The following SLC24A3 variants were observed in gnomAD, a reference collection of about 807,000 sequenced individuals.
SLC24A3 encodes sodium/potassium/calcium exchanger 3.
In SLC24A3, 28 loss-of-function variants were observed where a neutral mutation model predicts 75.8. That is an observed-to-expected ratio of 0.37 (90% CI 0.27 to 0.51). The LOEUF is 0.51. Among genes scored for constraint, SLC24A3 ranks in the 20% least tolerant of loss-of-function variants. The pLI, the probability that SLC24A3 is intolerant of heterozygous loss-of-function variation, is 0.94. For missense variants in SLC24A3, 663 were observed against 847.8 expected, an observed-to-expected ratio of 0.78 and a Z score of 2.71; for synonymous variants, 372 against 334.1, an observed-to-expected ratio of 1.11 and a Z score of -1.24.
chr20:19,245,074 T>C (rs1568567248), intron 1 of SLC24A3, among the ~76,000 whole-genome samples: 1 of 152,122 alleles, frequency 6.6e-6, no homozygotes, highest in Non-Finnish European at 1.5e-5. Context: ...GTATGGTAAA[T>C]CCGCTTCTCA....
At chr20:19,547,776 G>C (rs1181114040) in intron 3 of SLC24A3, among the ~76,000 whole-genome samples, 1 of 152,236 alleles carries the variant, frequency 6.6e-6, no homozygotes, top group Non-Finnish European at 1.5e-5. Context: ...TGGTATGCCA[G>C]AGCCAGGGCA....
At chr20:19,603,799 G>A (rs1289855065) in intron 6 of SLC24A3, among the ~76,000 whole-genome samples, 2 of 152,166 alleles carry the variant, frequency 1.3e-5, no homozygotes, top group Admixed American at 1.3e-4. Flanking sequence ...AAGGCTGTGA[G>A]TTCCAGGGGT....
At chr20:19,510,552 C>A (rs530441069) in intron 2 of SLC24A3, among the ~76,000 whole-genome samples, 1 of 152,180 alleles carries the variant, frequency 6.6e-6, no homozygotes, top group Admixed American at 6.5e-5. Flanking sequence ...GAAGCCCTAA[C>A]CCCCAAAATG....
intron 2 of SLC24A3, among the ~76,000 whole-genome samples, chr20:19,331,585 T>A (rs927608835): frequency 3.9e-5 from 6 of 152,216 alleles, no homozygotes; most frequent in Non-Finnish European, 7.3e-5. Context: ...ACGATTGTTG[T>A]AATTTTTCTA....
intron 2 of SLC24A3, among the ~76,000 whole-genome samples, chr20:19,403,666 T>A (rs1986590750): frequency 6.6e-6 from 1 of 152,120 alleles, no homozygotes; most frequent in Non-Finnish European, 1.5e-5. Context: ...AAATAGCATT[T>A]AAGTAGGAGT....
chr20:19,441,229 A>G (rs1987293354), intron 2 of SLC24A3, among the ~76,000 whole-genome samples: 1 of 152,112 alleles, frequency 6.6e-6, no homozygotes, highest in Non-Finnish European at 1.5e-5. Flanking sequence ...AAACTCGGTG[A>G]CCTTGGTTAC....
At chr20:19,513,249 T>C (rs1416983269) in intron 2 of SLC24A3, among the ~76,000 whole-genome samples, 2 of 151,922 alleles carry the variant, frequency 1.3e-5, no homozygotes. Context: ...AGTAGGGGGG[T>C]GGCATGTGTG....
At chr20:19,613,954 C>T (rs6035391) in intron 6 of SLC24A3, among the ~76,000 whole-genome samples, 1 of 152,188 alleles carries the variant, frequency 6.6e-6, no homozygotes, top group African/African-American at 2.4e-5. Context: ...TTACACCACC[C>T]TTGTTTGTCC....
At chr20:19,275,442 G>T (rs144324020) in intron 1 of SLC24A3, among the ~76,000 whole-genome samples, 21 of 152,338 alleles carry the variant, frequency 1.4e-4, no homozygotes, top group African/African-American at 4.6e-4. Context: ...CCTCTTATCA[G>T]AGAGCAGGCA....
chr20:19,538,687 G>A (rs1398785147), intron 3 of SLC24A3, among the ~76,000 whole-genome samples: 2 of 152,300 alleles, frequency 1.3e-5, no homozygotes, highest in East Asian at 1.9e-4. Context: ...ATAAATTGAT[G>A]CACTCACTCT....
intron 6 of SLC24A3, among the ~76,000 whole-genome samples, chr20:19,618,070 G>T (rs1035254113): frequency 6.6e-6 from 1 of 151,314 alleles, no homozygotes; most frequent in Admixed American, 6.6e-5. Flanking sequence ...CTGGAAATTC[G>T]CAGGAAAGGA....
intron 6 of SLC24A3, among the ~76,000 whole-genome samples, chr20:19,590,053 A>C (rs1233076587): frequency 6.6e-6 from 1 of 151,994 alleles, no homozygotes; most frequent in Non-Finnish European, 1.5e-5. Flanking sequence ...GGTCAATGCC[A>C]AGAAAACAGA....
intron 2 of SLC24A3, among the ~76,000 whole-genome samples, chr20:19,409,104 T>A (rs367907129): frequency 6.6e-6 from 1 of 152,084 alleles, no homozygotes; most frequent in Non-Finnish European, 1.5e-5. Context: ...ACTGAGTTGA[T>A]TGGTGAGGAG....
At chr20:19,382,238 A>C (rs1359519209) in intron 2 of SLC24A3, among the ~76,000 whole-genome samples, 2 of 152,130 alleles carry the variant, frequency 1.3e-5, no homozygotes, top group Non-Finnish European at 2.9e-5. Context: ...GGAAAATCGC[A>C]CTTCTTATCT....
At chr20:19,488,054 C>A (rs760633480) in intron 2 of SLC24A3, among the ~76,000 whole-genome samples, 8 of 152,232 alleles carry the variant, frequency 5.3e-5, no homozygotes, top group Non-Finnish European at 1.0e-4. Context: ...CCTTATGGAC[C>A]TCCTTCCCCA....
intron 2 of SLC24A3, among the ~76,000 whole-genome samples, chr20:19,474,269 TC>T (rs1440351706): frequency 2.0e-5 from 3 of 152,106 alleles, no homozygotes; most frequent in African/African-American, 7.2e-5. Flanking sequence ...AGGCCCTGTG[TC>T]CCCCGGGGCT....
chr20:19,221,270 G>A (rs1045660224), intron 1 of SLC24A3, among the ~76,000 whole-genome samples: 6 of 152,180 alleles, frequency 3.9e-5, no homozygotes, highest in South Asian at 2.1e-4. Context: ...ATTCCAGCAC[G>A]TCTTCTTTGG....
intron 3 of SLC24A3, among the ~76,000 whole-genome samples, chr20:19,577,779 A>G (rs1662557432): frequency 6.6e-6 from 1 of 152,226 alleles, no homozygotes; most frequent in South Asian, 2.1e-4. Context: ...TTATCACTTC[A>G]TATTGGATTT....
chr20:19,402,505 C>T (rs1648147614), intron 2 of SLC24A3, among the ~76,000 whole-genome samples: 1 of 152,132 alleles, frequency 6.6e-6, no homozygotes, highest in African/African-American at 2.4e-5. Context: ...GCCATGTCCT[C>T]AACAAGAAGT....
Sources: allele counts gnomAD v4.1 joint callset (sites outside exome capture counted in the v4.1 genomes callset), GRCh38; gene constraint gnomAD v4.1.1; transcripts MANE v1.5; gene names NCBI Gene and HGNC (gene_info 2026-07-23, HGNC 2026-07-21).